The following DENND4B variants were observed in gnomAD, a reference collection of about 807,000 sequenced individuals.
DENND4B encodes the protein DENN domain containing 4B.
In DENND4B, 67 loss-of-function variants were observed where a neutral mutation model predicts 161.0. The ratio of observed to expected loss-of-function variants is 0.42; its 90% CI spans 0.34 to 0.51. The LOEUF (loss-of-function observed/expected upper bound fraction) is 0.51, where lower values mean the gene tolerates loss of function less well. DENND4B is among the 20% of genes least tolerant of loss of function. The pLI, the probability that DENND4B is intolerant of heterozygous loss-of-function variation, is 0.08. For missense variants in DENND4B, 1,481 were observed against 1,968.0 expected, an observed-to-expected ratio of 0.75 and a Z score of 4.68; for synonymous variants, 753 against 813.8, an observed-to-expected ratio of 0.93 and a Z score of 1.27.
At chr1:153,941,132 G>A in intron 8 of DENND4B, 84 bp from the exon 9 acceptor site, 1 of 1,570,262 alleles carries the variant, frequency 6.4e-7, no homozygotes, top group Non-Finnish European at 8.6e-7. Flanking sequence ...CCACCACCTG[G>A]ACCCAGCCTG....
Position 153,939,027 on chromosome 1 carries a change from T to G in DENND4B, c.1838A>C (p.Glu613Ala). 6.2e-7 allele frequency: 1 copy of G among 1,612,186 alleles called. No homozygotes were observed. The highest frequency in any genetic ancestry group is 1.1e-5 in the South Asian group (1 of 90,458). ...FFLQGFLKSR[E>A]RSSHKLYSQL... ...AGAGTAAAGTTTGTGGCTGGAGCGTTCCCGGGATTTGAGGAAGCCTGAGGG... is the reference window on the plus strand; with the variant it reads ...AGAGTAAAGTTTGTGGCTGGAGCGTGCCCGGGATTTGAGGAAGCCTGAGGG... The change falls in exon 13 of 28, where the codon GAA (glutamate) becomes GCA (alanine). Residue 613 changes from glutamate (E) to alanine (A), a missense_variant. Physicochemically the swap from Glu to Ala is moderately radical, Grantham distance 107. Around this residue, in one of 3 missense-constraint regions of DENND4B, gnomAD observed 806 missense variants for 1,134.4 expected, o/e 0.71. Transcript: ENST00000361217.
chr1:153,935,533 G>C (rs1679284252), intron 17 of DENND4B, among the ~76,000 whole-genome samples: 1 of 152,196 alleles, frequency 6.6e-6, no homozygotes. Context: ...TTTTAATAGA[G>C]ACAGGGTTTC....
rs1227321328 is a variant in DENND4B, at chr1:153,933,412, C to T, written c.3330+71G>A. The T allele has an allele frequency of 1.4e-5, 22 of 1,605,040 alleles. No individual in the cohort carries two copies. The highest frequency in any genetic ancestry group is 1.9e-5 in the Non-Finnish European group (22 of 1,175,774). ...CACCCCTCAGAGCCCCCTTTTTGAG[C>T]ATTCTTCCAGTCGTAGCCCCTCCCC... is the stretch of plus-strand genomic sequence containing the variant. On this transcript the variant is annotated intron_variant, in intron 20 of 27. Transcript: ENST00000361217. This position sits in a 1 kb window ranked among gnomAD's most constrained non-coding sequence, Gnocchi z 5.7.
rs1678856679 is a variant in DENND4B, at chr1:153,930,656, G to A, written c.4280+36C>T. ...GAGAGAAAAGGGGTGTGGAGCCCCG[G>A]ACAGACCAGGGATCACCCAGATGGT... On this transcript the variant is annotated intron_variant, in intron 26 of 27. Coordinates refer to ENST00000361217, the MANE Select transcript of DENND4B (RefSeq NM_014856.3). This position sits in a 1 kb window ranked among gnomAD's most constrained non-coding sequence, Gnocchi z 4.7. The A allele has an allele frequency of 6.2e-7, 1 of 1,613,616 alleles. No homozygotes were observed.
At chr1:153,941,773 C>CGGGGCGG in intron 6 of DENND4B, 96 bp downstream of exon 6, 1 of 1,426,300 alleles carries the variant, frequency 7.0e-7, no homozygotes, top group Admixed American at 1.9e-5. Context: ...ACCCTGTGCC[C>CGGGGCGG]AGCCCTCCCC....
At chr1:153,943,366 TCTCATA>T (rs1295059725) in intron 2 of DENND4B, among the ~76,000 whole-genome samples, 1 of 152,084 alleles carries the variant, frequency 6.6e-6, no homozygotes, top group African/African-American at 2.4e-5. Context: ...CTTCTATGGC[TCTCATA>T]CTCATTAATA....
chr1:153,939,010 G>A lies in DENND4B; in HGVS notation c.1855C>T (p.Leu619Phe), dbSNP rs1235479734. The A allele has an allele frequency of 1.9e-6, 3 of 1,612,436 alleles. No homozygotes were observed. The highest frequency in any genetic ancestry group is 2.2e-5 in the East Asian group (1 of 44,884). ...TGTGTGTGCAGCAGCTGAGAGTAAA[G>A]TTTGTGGCTGGAGCGTTCCCGGGAT... is the stretch of plus-strand genomic sequence containing the variant. Reference protein sequence around the residue: ...LKSRERSSHKLYSQLLHTQMF... With the variant: ...LKSRERSSHKFYSQLLHTQMF... The change falls in exon 13 of 28, where the codon CTT becomes TTT. Residue 619 changes from leucine (L) to phenylalanine (F), a missense_variant. Coordinates refer to ENST00000361217, the MANE Select transcript of DENND4B (RefSeq NM_014856.3).
At position 153,946,452 on chromosome 1, in the gene DENND4B, G is replaced by GGCCT; in HGVS notation, c.-176_-175insAGGC. ...CGGGCAGTGAGTGAAGGAAGAAGAGGCGGCCGAGGACCGCAGAGCGCGGGG... is the reference window on the plus strand; with the variant it reads ...CGGGCAGTGAGTGAAGGAAGAAGAGGGCCTCGGCCGAGGACCGCAGAGCGCGGGG... On this transcript the variant is annotated 5_prime_UTR_variant, in exon 1 of 28. Transcript: ENST00000361217. This position sits in a 1 kb window ranked among gnomAD's most constrained non-coding sequence, Gnocchi z 6.3. The GGCCT allele has an allele frequency of 2.6e-6, 1 of 389,084 alleles. No homozygotes were observed. 24.1% of individuals were successfully genotyped at this position (389,084 alleles called of 1,614,324 possible). A position where few individuals can be genotyped will look rare whatever the true frequency, so the allele number is the denominator to read the frequency against.
In DENND4B at chr1:153,942,931, C is replaced by T. The variant is rs1189166836; in HGVS notation, c.517G>A (p.Glu173Lys). The change falls in exon 3 of 28, where the codon GAG (glutamate) becomes AAG (lysine). Residue 173 changes from glutamate to lysine, a missense_variant. Glu to Lys is a moderately conservative substitution (Grantham distance 56, BLOSUM62 1). This residue lies in a region of DENND4B where 806 missense variants were observed against 1,134.4 expected (regional missense o/e 0.71). Coordinates refer to ENST00000361217, the MANE Select transcript of DENND4B (RefSeq NM_014856.3). The surrounding 1 kb of genome is among the most constrained non-coding windows in gnomAD (Gnocchi z 6.9). ...CGGCAGTAAGTATGAGGAGTGCCCT[C>T]GCCCTTACTGGGCAGCACCAGGCAG... ...DLCLVLPSKG[E>K]GTPHTYCRLP... 3 of 1,612,510 alleles carry T rather than the reference C, an allele frequency of 1.9e-6. No homozygotes were observed. The highest frequency in any genetic ancestry group is 2.2e-5 in the East Asian group (1 of 44,842).
Position 153,934,406 on chromosome 1 carries a change from A to C in DENND4B, c.2774-104T>G, listed in dbSNP as rs1327936113. 2 of 1,401,262 alleles carry C rather than the reference A, an allele frequency of 1.4e-6. No individual in the cohort carries two copies. The highest frequency in any genetic ancestry group is 2.9e-5 in the African/African-American group (2 of 68,030). 86.8% of individuals were successfully genotyped at this position (1,401,262 alleles called of 1,614,324 possible). ...GACCAGGGTTTGCAGGGTTCCTCCC[A>C]GGCAAAACTTTATCCGTTTTGTGTT... On this transcript the variant is annotated intron_variant, in intron 18 of 27. Transcript: ENST00000361217. This position sits in a 1 kb window ranked among gnomAD's most constrained non-coding sequence, Gnocchi z 5.3.
chr1:153,936,485 C>G lies in DENND4B; in HGVS notation c.2439+57G>C. The G allele has an allele frequency of 6.7e-7, 1 of 1,483,940 alleles. No homozygotes were observed. Among genetic ancestry groups the G allele is most frequent in the Non-Finnish European group, 9.0e-7 (1 of 1,107,088 alleles). The allele number at this position is 1,483,940 out of a possible 1,614,324, so 91.9% of individuals were successfully genotyped here. Reference sequence around the variant, plus strand: ...CCAAGTTTCCCTCTCACAGCCCTCTCCAGCTGCACAAGGCTCACTGGGCCT... The same window carrying G: ...CCAAGTTTCCCTCTCACAGCCCTCTGCAGCTGCACAAGGCTCACTGGGCCT... On this transcript the variant is annotated intron_variant, in intron 16 of 27. Coordinates refer to ENST00000361217, the MANE Select transcript of DENND4B (RefSeq NM_014856.3). This position sits in a 1 kb window ranked among gnomAD's most constrained non-coding sequence, Gnocchi z 4.1.
Position 153,940,641 on chromosome 1 carries a change from G to A in DENND4B, c.1327-35C>T. The A allele has an allele frequency of 6.2e-7, 1 of 1,600,844 alleles. No homozygotes were observed. Among genetic ancestry groups the A allele is most frequent in the South Asian group, 1.1e-5 (1 of 89,098 alleles). ...CAGGCAGTGAGAACCAGTGAACAGG[G>A]GGTTGAGGCAGCAGTGGGAGGCACA... On this transcript the variant is annotated intron_variant, in intron 9 of 27. Coordinates refer to ENST00000361217, the MANE Select transcript of DENND4B (RefSeq NM_014856.3). The surrounding 1 kb of genome is among the most constrained non-coding windows in gnomAD (Gnocchi z 5.6).
Position 153,946,183 on chromosome 1 carries a change from C to A in DENND4B, c.-24+118G>T, listed in dbSNP as rs1205964832. The A allele has an allele frequency of 3.3e-6, 1 of 305,558 alleles. No homozygotes were observed. 18.9% of individuals were successfully genotyped at this position (305,558 alleles called of 1,614,324 possible). ...TTTCACTTCCCCAGGAGAGAGGAAC[C>A]GGAACCAGATGTGCAGTGAGGGACA... On this transcript the variant is annotated intron_variant, in intron 1 of 27. Transcript: ENST00000361217. The surrounding 1 kb of genome is among the most constrained non-coding windows in gnomAD (Gnocchi z 6.3).
Position 153,933,677 on chromosome 1 carries a change from G to A in DENND4B, c.3136C>T (p.Arg1046Ter), listed in dbSNP as rs1303007093. The A allele has an allele frequency of 2.5e-6, 4 of 1,570,854 alleles. No individual in the cohort carries two copies. The highest frequency in any genetic ancestry group is 3.4e-6 in the Non-Finnish European group (4 of 1,159,572). Residue 1046 changes from arginine to a stop codon, truncating the protein, a stop_gained, in exon 20 of 28, where the codon CGA becomes TGA. Coordinates refer to ENST00000361217, the MANE Select transcript of DENND4B (RefSeq NM_014856.3). LOFTEE classifies it high-confidence loss of function. This position sits in a 1 kb window ranked among gnomAD's most constrained non-coding sequence, Gnocchi z 5.7. ...CGGGGGGTGCCTGCCTCATCCTGTCGCCCACCAGCCTTGGGTCCCCGCCCA... is the reference window on the plus strand; with the variant it reads ...CGGGGGGTGCCTGCCTCATCCTGTCACCCACCAGCCTTGGGTCCCCGCCCA... Reference protein sequence around the residue: ...LSGRGPKAGGRQDEAGTPRRG... With the variant: ...LSGRGPKAGG
In DENND4B at chr1:153,933,686, C is replaced by T; in HGVS notation, c.3127G>A (p.Ala1043Thr). The part of the protein sequence containing the change: ...LEGLSGRGPK[A>T]GGRQDEAGTP... ...CCTGCCTCATCCTGTCGCCCACCAG[C>T]CTTGGGTCCCCGCCCACTTAGCCCT... The change falls in exon 20 of 28, where the codon GCT becomes ACT. Residue 1043 changes from alanine (A) to threonine (T), a missense_variant. Ala to Thr is a moderately conservative substitution (Grantham distance 58, BLOSUM62 0). Around this residue, in one of 3 missense-constraint regions of DENND4B, gnomAD observed 339 missense variants for 330.3 expected, o/e 1.03. Transcript: ENST00000361217. This position sits in a 1 kb window ranked among gnomAD's most constrained non-coding sequence, Gnocchi z 5.7. 1.9e-6 allele frequency: 3 copies of T among 1,573,946 alleles called. No homozygotes were observed. The highest frequency in any genetic ancestry group is 4.7e-5 in the East Asian group (2 of 42,760).
At position 153,939,727 on chromosome 1, in the gene DENND4B, G is replaced by A. The variant is rs561693072; in HGVS notation, c.1681C>T (p.Arg561Trp). The change falls in exon 12 of 28, where the codon CGG becomes TGG. Residue 561 changes from arginine (R) to tryptophan (W), a missense_variant. By Grantham distance (101) the Arg-to-Trp change is moderately radical. Transcript: ENST00000361217. ...DYEAVCGRRA[R>W]LEREVQGAFL... ...GCTCCTTGGACTTCGCGCTCCAGCC[G>A]GGCCCTGCGGCCACACACTGCCTCG... is the stretch of plus-strand genomic sequence containing the variant. The A allele has an allele frequency of 3.7e-5, 60 of 1,613,932 alleles. No homozygotes were observed. In the Admixed American group the frequency reaches 4.8e-4, roughly 13 times the overall value.
At chr1:153,945,317 G>A in intron 1 of DENND4B, 1 of 482,254 alleles carries the variant, frequency 2.1e-6, no homozygotes, top group Admixed American at 3.2e-5. Context: ...CAACTCAGAG[G>A]AAGTCAGCCT....
chr1:153,934,165 G>A lies in DENND4B; in HGVS notation c.2911C>T (p.Gln971Ter), dbSNP rs781155377. 6.3e-7 allele frequency: 1 copy of A among 1,586,658 alleles called. No homozygotes were observed. Among genetic ancestry groups the A allele is most frequent in the South Asian group, 1.2e-5 (1 of 86,672 alleles). The change falls in exon 19 of 28, where the codon CAG becomes TAG. Residue 971 changes from glutamine (Q) to a stop codon, truncating the protein, a stop_gained. Coordinates refer to ENST00000361217, the MANE Select transcript of DENND4B (RefSeq NM_014856.3). LOFTEE classifies it high-confidence loss of function. The surrounding 1 kb of genome is among the most constrained non-coding windows in gnomAD (Gnocchi z 5.3). Reference sequence around the variant, plus strand: ...GCCACACCGGCCTCCACAGTGGGCTGTGCCCCTCGGGCACTGCCCAGGCTA... The same window carrying A: ...GCCACACCGGCCTCCACAGTGGGCTATGCCCCTCGGGCACTGCCCAGGCTA... The part of the protein sequence containing the change: ...SGSLGSARGA[Q>*]PTVEAGVAHM...
upstream of DENND4B, chr1:153,946,837 GC>G (rs1571065101): frequency 3.2e-5 from 11 of 343,540 alleles, no homozygotes; most frequent in East Asian, 4.8e-4. This position sits in a 1 kb window ranked among gnomAD's most constrained non-coding sequence, Gnocchi z 6.3. Context: ...GACCCAGAGG[GC>G]CGCGGCGCGC....
Sources: gnomAD v4.1 joint callset for allele counts (sites outside exome capture counted in the v4.1 genomes callset) on GRCh38, gnomAD v4.1.1 for gene constraint, gnomAD v4.1.1 regional missense constraint, Gnocchi (gnomAD v3.1) non-coding constraint, MANE v1.5 for transcripts, NCBI Gene and HGNC (gene_info 2026-07-23, HGNC 2026-07-21) for gene names.